Variants in IQUB observed in about 807,000 individuals in gnomAD.
IQUB encodes IQ motif and ubiquitin-like domain-containing protein.
A neutral mutation model predicts 86.4 loss-of-function variants in IQUB; 86 were observed. The observed-to-expected ratio is 1.00, with a 90% CI of 0.84 to 1.19. The LOEUF (loss-of-function observed/expected upper bound fraction) is 1.19, where lower values mean the gene tolerates loss of function less well. IQUB is among the 50% of genes most tolerant of loss of function. The pLI is 0.00. For synonymous variants in IQUB, 289 were observed against 304.5 expected, an observed-to-expected ratio of 0.95 and a Z score of 0.53; for missense variants, 946 against 916.9, an observed-to-expected ratio of 1.03 and a Z score of -0.41.
intron 7 of IQUB, among the ~76,000 whole-genome samples, chr7:123,491,520 T>C (rs1313209034): frequency 1.3e-5 from 2 of 152,134 alleles, no homozygotes; most frequent in Non-Finnish European, 2.9e-5. Context: ...ATAGATCCTA[T>C]AGGTATTAAA....
chr7:123,465,093 T>C (rs1306007681), intron 9 of IQUB, 84 bp from the exon 10 acceptor site: 3 of 823,330 alleles, frequency 3.6e-6, no homozygotes, highest in Non-Finnish European at 5.9e-6. Flanking sequence ...CAAACCAAAA[T>C]CTACATTCCT....
chr7:123,480,375 G>T (rs1794952744), intron 7 of IQUB, among the ~76,000 whole-genome samples: 1 of 152,102 alleles, frequency 6.6e-6, no homozygotes, highest in Non-Finnish European at 1.5e-5. Context: ...CTGCTGCCTT[G>T]TTGAAGCTGA....
At chr7:123,502,091 T>G (rs942927755) in intron 6 of IQUB, 6 of 153,406 alleles carry the variant, frequency 3.9e-5, no homozygotes, top group African/African-American at 1.4e-4. Context: ...AAGCAAAATC[T>G]CTTAAAGTCA....
chr7:123,460,396 T>A (rs745574903), intron 11 of IQUB, among the ~76,000 whole-genome samples: 50 of 149,654 alleles, frequency 3.3e-4, no homozygotes, highest in Non-Finnish European at 6.1e-4. Flanking sequence ...ACAAAGCACA[T>A]CACATTTGGT....
chr7:123,460,169 C>T (rs1226986401), intron 11 of IQUB, among the ~76,000 whole-genome samples: 1 of 151,888 alleles, frequency 6.6e-6, no homozygotes, highest in East Asian at 1.9e-4. Context: ...AGTTAGTTAA[C>T]CACTCAGTGC....
intron 6 of IQUB, among the ~76,000 whole-genome samples, chr7:123,497,613 T>C (rs1795759865): frequency 6.6e-6 from 1 of 151,880 alleles, no homozygotes. Context: ...TATAATTTTA[T>C]TTATTAAACT....
At chr7:123,528,046 G>A (rs1797342278) in intron 1 of IQUB, among the ~76,000 whole-genome samples, 1 of 152,238 alleles carries the variant, frequency 6.6e-6, no homozygotes, top group South Asian at 2.1e-4. Flanking sequence ...TGTCGGAAAA[G>A]CGCAGTATTC....
At chr7:123,526,220 A>G (rs1797200459) in intron 1 of IQUB, among the ~76,000 whole-genome samples, 1 of 152,102 alleles carries the variant, frequency 6.6e-6, no homozygotes. Context: ...TATTAAGTCC[A>G]CTTGGTGCAG....
chr7:123,464,863 CAG>C lies in IQUB; in HGVS notation c.1726_1727del (p.Leu576ValfsTer2). 1.3e-6 allele frequency: 2 copies of C among 1,595,790 alleles called. No individual in the cohort carries two copies. The highest frequency in any genetic ancestry group is 1.7e-6 in the Non-Finnish European group (2 of 1,173,794). ...GGTATTTTGCAACTTCAGGATTAAACAGAGGTGTTTTGATATAATGAAAAAAG... is the reference window on the plus strand; with the variant it reads ...GGTATTTTGCAACTTCAGGATTAAACAGGTGTTTTGATATAATGAAAAAAG... ...TLFFHYIKTP[L>X]FNPEVAKYLK... On this transcript the variant is annotated frameshift_variant, in exon 10 of 13. Coordinates refer to ENST00000324698, the MANE Select transcript of IQUB (RefSeq NM_178827.5). LOFTEE classifies it high-confidence loss of function.
At chr7:123,479,577 G>T (rs1794902225) in intron 8 of IQUB, among the ~76,000 whole-genome samples, 1 of 152,056 alleles carries the variant, frequency 6.6e-6, no homozygotes, top group South Asian at 2.1e-4. Context: ...AATTAAGAAT[G>T]TATGGATTTC....
At chr7:123,506,533 C>A (rs926699547) in intron 3 of IQUB, among the ~76,000 whole-genome samples, 1 of 151,942 alleles carries the variant, frequency 6.6e-6, no homozygotes, top group Non-Finnish European at 1.5e-5. Context: ...GAAGGAGGCA[C>A]GTTTTACATG....
intron 1 of IQUB, among the ~76,000 whole-genome samples, chr7:123,523,616 TG>T (rs1015973690): frequency 5.9e-5 from 9 of 151,684 alleles, no homozygotes; most frequent in African/African-American, 1.7e-4. Context: ...CTTTGTCAGA[TG>T]AGTAGGTTGC....
intron 7 of IQUB, among the ~76,000 whole-genome samples, chr7:123,493,774 T>TGTGTGTGC (rs1449280726): frequency 2.6e-4 from 38 of 144,742 alleles, no homozygotes; most frequent in Non-Finnish European, 4.6e-4. Flanking sequence ...TGTGTGTGTG[T>TGTGTGTGC]GCATGTGTGT....
chr7:123,479,936 T>G lies in IQUB; in HGVS notation c.1269A>C (p.Gln423His). The G allele has an allele frequency of 6.2e-7, 1 of 1,612,128 alleles. No individual in the cohort carries two copies. The highest frequency in any genetic ancestry group is 1.1e-5 in the South Asian group (1 of 90,810). ...CTTTCCTTTCAGCTCCAGTAAAAGA[T>G]TGGTTAATACGTGTAAGTTCTTCTT... is the stretch of plus-strand genomic sequence containing the variant. ...WRQEELTRINQSFTGAERKAA... is the reference protein window; with the variant it reads ...WRQEELTRINHSFTGAERKAA... Residue 423 changes from glutamine (Q) to histidine (H), a missense_variant, in exon 8 of 13, where the codon CAA becomes CAC. Transcript: ENST00000324698.
At chr7:123,500,234 G>A (rs1169100220) in intron 6 of IQUB, among the ~76,000 whole-genome samples, 1 of 152,002 alleles carries the variant, frequency 6.6e-6, no homozygotes, top group African/African-American at 2.4e-5. Context: ...TTATTCTATG[G>A]ACTTGCCCTG....
intron 8 of IQUB, among the ~76,000 whole-genome samples, chr7:123,479,208 GTCACT>G (rs1794888878): frequency 6.6e-6 from 1 of 152,078 alleles, no homozygotes; most frequent in Non-Finnish European, 1.5e-5. Context: ...AAGAAAATTG[GTCACT>G]ATGGAAACAG....
chr7:123,463,606 A>C (rs1794103366), intron 10 of IQUB, among the ~76,000 whole-genome samples: 1 of 151,764 alleles, frequency 6.6e-6, no homozygotes, highest in Admixed American at 6.6e-5. Flanking sequence ...AACACATATC[A>C]GTGTTTGCCA....
chr7:123,487,195 G>A (rs1448506056), intron 7 of IQUB, among the ~76,000 whole-genome samples: 1 of 152,090 alleles, frequency 6.6e-6, no homozygotes, highest in Non-Finnish European at 1.5e-5. Flanking sequence ...CTTCTGCCAC[G>A]AAGTTTCCTG....
intron 9 of IQUB, 75 bp downstream of exon 9, chr7:123,469,135 TTTAC>T (rs1286037027): frequency 6.1e-6 from 6 of 984,546 alleles, no homozygotes; most frequent in African/African-American, 1.8e-5. Flanking sequence ...TGTAAAACAC[TTTAC>T]TTGTTTTAGT....
Sources: allele counts gnomAD v4.1 joint callset (sites outside exome capture counted in the v4.1 genomes callset), GRCh38; gene constraint gnomAD v4.1.1; transcripts MANE v1.5; gene names NCBI Gene and HGNC (gene_info 2026-07-23, HGNC 2026-07-21).